CYP1A2: variants seen among roughly 807,000 people sequenced by gnomAD.
CYP1A2 encodes the protein cytochrome P450 family 1 subfamily A member 2.
A neutral mutation model predicts 34.7 loss-of-function variants in CYP1A2; 35 were observed. The ratio of observed to expected loss-of-function variants is 1.01; its 90% confidence interval spans 0.77 to 1.34. The LOEUF is 1.34. Among genes scored for constraint, CYP1A2 ranks in the 40% most tolerant of loss-of-function variants. The pLI is 0.00. For missense variants in CYP1A2, 675 were observed against 675.8 expected (o/e 1.00, Z 0.01); for synonymous variants, 288 against 281.9 (o/e 1.02, Z -0.22).
intron 6 of CYP1A2, among the ~76,000 whole-genome samples, chr15:74,754,511 T>C (rs1164804537): frequency 1.3e-5 from 2 of 150,406 alleles, no homozygotes; most frequent in Non-Finnish European, 3.0e-5. Flanking sequence ...AGGTGGGTGG[T>C]TGGCTTGAGC....
chr15:74,754,853 C>G lies in CYP1A2; in HGVS notation c.1316C>G (p.Ala439Gly). ...PERFLTADGTAINKPLSEKMM... is the reference protein window; with the variant it reads ...PERFLTADGTGINKPLSEKMM... Reference sequence around the variant, plus strand: ...CGGTTCCTCACCGCCGATGGCACTGCCATTAACAAGCCCTTGAGTGAGAAG... The same window carrying G: ...CGGTTCCTCACCGCCGATGGCACTGGCATTAACAAGCCCTTGAGTGAGAAG... Residue 439 changes from alanine (A) to glycine (G), a missense_variant, in exon 7 of 7, where the codon GCC becomes GGC. Coordinates refer to ENST00000343932, the MANE Select transcript of CYP1A2 (RefSeq NM_000761.5). 1 of 1,614,196 alleles carries G rather than the reference C, an allele frequency of 6.2e-7. No homozygotes were observed. Among genetic ancestry groups the G allele is most frequent in the South Asian group, 1.1e-5 (1 of 91,082 alleles).
At chr15:74,751,653 G>A in intron 3 of CYP1A2, 112 bp from the exon 4 acceptor site, 1 of 1,117,136 alleles carries the variant, frequency 9.0e-7, no homozygotes, top group Non-Finnish European at 1.3e-6. Flanking sequence ...GAAACTCACA[G>A]GCTAGGGCCA....
At chr15:74,749,207 G>A (rs1439175552) in intron 1 of CYP1A2, among the ~76,000 whole-genome samples, 2 of 152,170 alleles carry the variant, frequency 1.3e-5, no homozygotes, top group Non-Finnish European at 2.9e-5. Flanking sequence ...GCCCCTCCTG[G>A]TATTGATAAA....
intron 6 of CYP1A2, among the ~76,000 whole-genome samples, chr15:74,753,855 C>G (rs2063326959): frequency 6.6e-6 from 1 of 152,074 alleles, no homozygotes; most frequent in South Asian, 2.1e-4. Context: ...TCAGAGACCT[C>G]TCTTTGGAAA....
chr15:74,751,698 A>G, intron 3 of CYP1A2, 67 bp from the exon 4 acceptor site: 24 of 1,478,808 alleles, frequency 1.6e-5, no homozygotes, highest in Non-Finnish European at 2.2e-5. Flanking sequence ...CATAGCAGAT[A>G]CTTGGGAAAT....
In CYP1A2 at chr15:74,755,840, CAG is replaced by C. The variant is rs1214298716; in HGVS notation, c.*755_*756del. 1 of 150,106 alleles carries C rather than the reference CAG, an allele frequency of 6.7e-6. No individual in the cohort carries two copies. 9.3% of individuals were successfully genotyped at this position (150,106 alleles called of 1,614,324 possible). A position where few individuals can be genotyped will look rare whatever the true frequency, so the allele number is the denominator to read the frequency against. ...TTTATTATTCTTATTATTTTTGAGA[CAG>C]AGTCTTACTCTGTTGCCAGGCTGGA... On this transcript the variant is annotated 3_prime_UTR_variant, in exon 7 of 7. Transcript: ENST00000343932.
At chr15:74,749,235 G>A (rs2063302666) in intron 1 of CYP1A2, among the ~76,000 whole-genome samples, 1 of 152,132 alleles carries the variant, frequency 6.6e-6, no homozygotes, top group African/African-American at 2.4e-5. Context: ...CTGGGGAGGG[G>A]GCATCACAGG....
rs148157092 is a variant in CYP1A2, at chr15:74,752,144, C to T, written c.1063C>T (p.Arg355Trp). 1.1e-4 allele frequency: 176 copies of T among 1,613,882 alleles called. No homozygotes were observed. Among genetic ancestry groups the T allele is most frequent in the Admixed American group, 4.3e-4 (26 of 59,996 alleles). ...TACAGACACTGTGATTGGCAGGGAG[C>T]GGCGGCCCCGGCTCTCTGACAGACC... is the stretch of plus-strand genomic sequence containing the variant. ...KELDTVIGRERRPRLSDRPQL... is the reference protein window; with the variant it reads ...KELDTVIGREWRPRLSDRPQL... Residue 355 changes from arginine to tryptophan, a missense_variant, in exon 5 of 7, where the codon CGG becomes TGG. Arg to Trp is a moderately radical substitution (Grantham distance 101). Coordinates refer to ENST00000343932, the MANE Select transcript of CYP1A2 (RefSeq NM_000761.5).
Position 74,751,783 on chromosome 15 carries a change from C to G in CYP1A2, c.971C>G (p.Thr324Arg), listed in dbSNP as rs778097570. Residue 324 changes from threonine to arginine, a missense_variant, in exon 4 of 7, where the codon ACA (threonine) becomes AGA (arginine). By Grantham distance (71) the Thr-to-Arg change is moderately conservative. Transcript: ENST00000343932. ...IFGAGFDTVT[T>R]AISWSLMYLV... ...GGTTCAGGATTTGACACAGTCACCA[C>G]AGCCATCTCCTGGAGCCTCATGTAC... is the stretch of plus-strand genomic sequence containing the variant. The G allele has an allele frequency of 3.1e-6, 5 of 1,614,026 alleles. No homozygotes were observed. The Admixed American group carries it at 6.7e-5, about 22-fold the overall frequency.
chr15:74,753,162 C>G (rs931216566), intron 5 of CYP1A2, 22 bp from the exon 6 acceptor site: 3 of 1,606,270 alleles, frequency 1.9e-6, no homozygotes, highest in Non-Finnish European at 2.6e-6. Context: ...CTGAGCCTCA[C>G]AGTGCCCTCT....
At chr15:74,752,870 C>CTTTTTT (rs4646426) in intron 5 of CYP1A2, among the ~76,000 whole-genome samples, 32 of 96,156 alleles carry the variant, frequency 3.3e-4, no homozygotes, top group Non-Finnish European at 4.9e-4. Context: ...CTGCCTGCTG[C>CTTTTTT]TTTTTTTTTT....
At chr15:74,750,976 T>C (rs1381969935) in intron 2 of CYP1A2, among the ~76,000 whole-genome samples, 2 of 152,140 alleles carry the variant, frequency 1.3e-5, no homozygotes, top group Non-Finnish European at 2.9e-5. Context: ...CTGGTGTTAT[T>C]GGGAGGAAGG....
At chr15:74,749,608 C>T in intron 1 of CYP1A2, 122 bp from the exon 2 acceptor site, 1 of 800,486 alleles carries the variant, frequency 1.2e-6, no homozygotes. Flanking sequence ...CTTAGTCTTT[C>T]TGGTATCCAG....
Position 74,755,785 on chromosome 15 carries a change from T to C in CYP1A2, c.*697T>C, listed in dbSNP as rs2075225024. ...TTAAAGTGTCGAATGACTTCTAGTGTAGAATTGTGCAACCATCACCAGAAT... is the reference window on the plus strand; with the variant it reads ...TTAAAGTGTCGAATGACTTCTAGTGCAGAATTGTGCAACCATCACCAGAAT... On this transcript the variant is annotated 3_prime_UTR_variant, in exon 7 of 7. Coordinates refer to ENST00000343932, the MANE Select transcript of CYP1A2 (RefSeq NM_000761.5). 1 of 152,072 alleles carries C rather than the reference T, an allele frequency of 6.6e-6. No individual in the cohort carries two copies. The highest frequency in any genetic ancestry group is 1.5e-5 in the Non-Finnish European group (1 of 68,038). 9.4% of individuals were successfully genotyped at this position (152,072 alleles called of 1,614,324 possible).
At position 74,751,206 on chromosome 15, in the gene CYP1A2, C is replaced by T; in HGVS notation, c.849C>T (p.Ile283=). The T allele has an allele frequency of 1.2e-6, 2 of 1,614,102 alleles. No homozygotes were observed. The highest frequency in any genetic ancestry group is 1.7e-6 in the Non-Finnish European group (2 of 1,180,004). ...QDFDKNSVRD[I]TGALFKHSKK... is the part of the protein sequence containing the mutation. ...CCCCTCAGAACAGTGTCCGGGACAT[C>T]ACGGGTGCCCTGTTCAAGCACAGCA... is the stretch of plus-strand genomic sequence containing the variant. Residue 283 remains isoleucine, a synonymous_variant, in exon 3 of 7, where the codon ATC becomes ATT. Coordinates refer to ENST00000343932, the MANE Select transcript of CYP1A2 (RefSeq NM_000761.5).
In CYP1A2 at chr15:74,753,242, G is replaced by A. The variant is rs377527644; in HGVS notation, c.1225G>A (p.Val409Ile). ...FYIPKKCCVFVNQWQVNHDPE... is the reference protein window; with the variant it reads ...FYIPKKCCVFINQWQVNHDPE... ...CATCCCCAAGAAATGCTGTGTCTTC[G>A]TAAACCAGTGGCAGGTCAACCATGA... The change falls in exon 6 of 7, where the codon GTA (valine) becomes ATA (isoleucine). Residue 409 changes from valine (V) to isoleucine (I), a missense_variant. Coordinates refer to ENST00000343932, the MANE Select transcript of CYP1A2 (RefSeq NM_000761.5). 8.1e-5 allele frequency: 131 copies of A among 1,613,634 alleles called. No individual in the cohort carries two copies. Among genetic ancestry groups the A allele is most frequent in the Non-Finnish European group, 1.0e-4 (120 of 1,179,824 alleles).
chr15:74,750,678 A>C, intron 2 of CYP1A2, 109 bp downstream of exon 2: 1 of 947,204 alleles, frequency 1.1e-6, no homozygotes, highest in South Asian at 1.5e-5. Context: ...AGGCCTAGGA[A>C]GGCTCTGGAC....
rs1045678140 is a variant in CYP1A2 at position 74,755,844 on chromosome 15, G to A, written c.*756G>A. ...TTATTCTTATTATTTTTGAGACAGAGTCTTACTCTGTTGCCAGGCTGGAGT... is the reference window on the plus strand; with the variant it reads ...TTATTCTTATTATTTTTGAGACAGAATCTTACTCTGTTGCCAGGCTGGAGT... On this transcript the variant is annotated 3_prime_UTR_variant, in exon 7 of 7. Coordinates refer to ENST00000343932, the MANE Select transcript of CYP1A2 (RefSeq NM_000761.5). 2.0e-5 allele frequency: 3 copies of A among 149,920 alleles called. No homozygotes were observed. Among genetic ancestry groups the A allele is most frequent in the Non-Finnish European group, 4.4e-5 (3 of 67,500 alleles). The allele number at this position is 149,920 out of a possible 1,614,324, so 9.3% of individuals were successfully genotyped here.
chr15:74,750,470 C>T lies in CYP1A2; in HGVS notation c.732C>T (p.Tyr244=). ...TGGACTTCTTCCCCATCCTTCGCTA[C>T]CTGCCTAACCCTGCCCTGCAGAGGT... The part of the protein sequence containing the change: ...NPLDFFPILR[Y]LPNPALQRFK... Residue 244 remains tyrosine (Y), a synonymous_variant, in exon 2 of 7, where the codon TAC becomes TAT. Coordinates refer to ENST00000343932, the MANE Select transcript of CYP1A2 (RefSeq NM_000761.5). The T allele has an allele frequency of 6.2e-7, 1 of 1,614,234 alleles. No individual in the cohort carries two copies. The highest frequency in any genetic ancestry group is 8.5e-7 in the Non-Finnish European group (1 of 1,180,042).
Sources: gnomAD v4.1 joint callset for allele counts (sites outside exome capture counted in the v4.1 genomes callset) on GRCh38, gnomAD v4.1.1 for gene constraint, MANE v1.5 for transcripts, NCBI Gene and HGNC (gene_info 2026-07-23, HGNC 2026-07-21) for gene names.